Variants in SGCZ observed in about 807,000 individuals in gnomAD.
SGCZ encodes sarcoglycan zeta.
In SGCZ, 40 loss-of-function variants were observed where a neutral mutation model predicts 41.3. That is an observed-to-expected ratio of 0.97 (90% CI 0.75 to 1.26). SGCZ has a LOEUF of 1.26. Among genes scored for constraint, SGCZ ranks in the 50% most tolerant of loss-of-function variants. The probability of loss-of-function intolerance (pLI) is 0.00; values close to 1 mark genes in which losing one functional copy is unlikely to be tolerated. For synonymous variants in SGCZ, 206 were observed against 137.5 expected (o/e 1.50, Z -3.49); for missense variants, 552 against 369.8 (o/e 1.49, Z -4.04).
chr8:14,171,149 TAAA>T (rs3068453), intron 4 of SGCZ, among the ~76,000 whole-genome samples: 56,438 of 140,156 alleles, frequency 0.4, 13,624 homozygotes, highest in Non-Finnish European at 0.55. Context: ...TGTGTTTCAT[TAAA>T]AAAAAAAAAA....
chr8:14,562,013 T>C (rs565165900), intron 1 of SGCZ, among the ~76,000 whole-genome samples: 11 of 152,224 alleles, frequency 7.2e-5, no homozygotes, highest in African/African-American at 2.6e-4. Context: ...TAATTTGGAA[T>C]CACCTAAACA....
At chr8:14,140,144 A>G (rs894055512) in intron 5 of SGCZ, among the ~76,000 whole-genome samples, 1 of 152,256 alleles carries the variant, frequency 6.6e-6, no homozygotes, top group Admixed American at 6.5e-5. Flanking sequence ...AAAACTGTCA[A>G]TAAACTAGGT....
chr8:14,269,156 C>A (rs544628487), intron 3 of SGCZ, among the ~76,000 whole-genome samples: 1 of 151,968 alleles, frequency 6.6e-6, no homozygotes, highest in Non-Finnish European at 1.5e-5. Flanking sequence ...AATTAGTCTG[C>A]ATTAGAGAGC....
At chr8:14,915,964 C>G (rs1172017160) in intron 1 of SGCZ, among the ~76,000 whole-genome samples, 4 of 152,122 alleles carry the variant, frequency 2.6e-5, no homozygotes, top group Non-Finnish European at 5.9e-5. Context: ...AACATGTGTT[C>G]CAGCAGACTG....
At chr8:14,356,185 C>T (rs1803287787) in intron 2 of SGCZ, among the ~76,000 whole-genome samples, 1 of 152,122 alleles carries the variant, frequency 6.6e-6, no homozygotes, top group African/African-American at 2.4e-5. Flanking sequence ...ATGTTTAAAG[C>T]AGGCTAAGCT....
intron 5 of SGCZ, among the ~76,000 whole-genome samples, chr8:14,159,118 T>C (rs941493879): frequency 1.1e-4 from 16 of 152,172 alleles, no homozygotes; most frequent in African/African-American, 3.9e-4. Flanking sequence ...AGACTATTCA[T>C]TGATACATGG....
intron 1 of SGCZ, among the ~76,000 whole-genome samples, chr8:15,185,913 A>G (rs1800317006): frequency 6.6e-6 from 1 of 151,984 alleles, no homozygotes; most frequent in Admixed American, 6.6e-5. Context: ...AAATAATACT[A>G]TTTAAGCAGC....
At chr8:14,441,871 T>C (rs926585980) in intron 2 of SGCZ, among the ~76,000 whole-genome samples, 7 of 152,190 alleles carry the variant, frequency 4.6e-5, no homozygotes, top group Admixed American at 2.6e-4. Context: ...ACTGAGAATG[T>C]TTGTCTTAAA....
intron 3 of SGCZ, among the ~76,000 whole-genome samples, chr8:14,266,102 T>C (rs1275106724): frequency 1.3e-5 from 2 of 152,028 alleles, no homozygotes; most frequent in Non-Finnish European, 2.9e-5. Flanking sequence ...AGGAAACATA[T>C]GATTATCCGA....
intron 3 of SGCZ, among the ~76,000 whole-genome samples, chr8:14,251,081 A>T (rs1313845553): frequency 6.6e-6 from 1 of 152,138 alleles, no homozygotes; most frequent in Admixed American, 6.6e-5. Context: ...TACAAAAATT[A>T]GCCGGGTGCA....
At chr8:14,908,740 T>C (rs953732203) in intron 1 of SGCZ, among the ~76,000 whole-genome samples, 2 of 94,080 alleles carry the variant, frequency 2.1e-5, no homozygotes, top group African/African-American at 1.1e-4. Context: ...TCTGTCACCG[T>C]TGCAAAAAAA....
At chr8:14,197,946 G>A (rs999219261) in intron 4 of SGCZ, among the ~76,000 whole-genome samples, 13 of 152,046 alleles carry the variant, frequency 8.6e-5, no homozygotes, top group African/African-American at 2.7e-4. Context: ...TGTTATTTTA[G>A]CAAGTTTGCA....
At chr8:14,884,940 T>C (rs1489033189) in intron 1 of SGCZ, among the ~76,000 whole-genome samples, 2 of 152,002 alleles carry the variant, frequency 1.3e-5, no homozygotes, top group Admixed American at 6.6e-5. Context: ...CTCTCAGCTG[T>C]GACTTCTGCA....
At chr8:14,113,568 T>G (rs1802437470) in intron 5 of SGCZ, among the ~76,000 whole-genome samples, 1 of 152,028 alleles carries the variant, frequency 6.6e-6, no homozygotes, top group Non-Finnish European at 1.5e-5. Context: ...AATTCTAGTT[T>G]GATTAATGGT....
At chr8:15,132,045 T>A (rs1359371280) in intron 1 of SGCZ, among the ~76,000 whole-genome samples, 3 of 152,206 alleles carry the variant, frequency 2.0e-5, no homozygotes, top group Non-Finnish European at 4.4e-5. Flanking sequence ...ATTCTTTCAA[T>A]GCATTGGTGG....
In SGCZ at chr8:14,810,651, A is replaced by G. The variant is rs183989085; in HGVS notation, c.40-255725T>C. Among the ~76,000 whole-genome samples the G allele has an allele frequency of 2.4e-3, 359 of 152,160 alleles. 3 individuals carry two copies. The highest frequency in any genetic ancestry group is 7.9e-3 in the African/African-American group (329 of 41,562). ...GGATATTGCACTGGAGATGGCTACA[A>G]TCAGCAAGAGAGAGCTAACTGGATA... On this transcript the variant is annotated intron_variant, in intron 1 of 7. Coordinates refer to ENST00000382080, the MANE Select transcript of SGCZ (RefSeq NM_139167.4).
intron 1 of SGCZ, among the ~76,000 whole-genome samples, chr8:14,687,171 A>AT (rs1554480727): frequency 0.07 from 9,934 of 141,162 alleles, 455 homozygotes; most frequent in Non-Finnish European, 0.1. Flanking sequence ...AGAAAAAAAA[A>AT]ATATATATAT....
At chr8:15,074,212 G>T (rs1805452266) in intron 1 of SGCZ, among the ~76,000 whole-genome samples, 1 of 152,042 alleles carries the variant, frequency 6.6e-6, no homozygotes, top group African/African-American at 2.4e-5. Context: ...TAACATAAAA[G>T]GAGCCTAAAC....
chr8:14,278,506 TA>T (rs746155782), intron 3 of SGCZ, among the ~76,000 whole-genome samples: 1 of 152,136 alleles, frequency 6.6e-6, no homozygotes, highest in Non-Finnish European at 1.5e-5. Context: ...GATGAGTTTT[TA>T]GGATTATCCT....
Sources: allele counts gnomAD v4.1 joint callset (sites outside exome capture counted in the v4.1 genomes callset), GRCh38; gene constraint gnomAD v4.1.1; transcripts MANE v1.5; gene names NCBI Gene and HGNC (gene_info 2026-07-23, HGNC 2026-07-21).